Variants in TCF12 observed in about 807,000 individuals in gnomAD.
TCF12 encodes transcription factor 12.
In TCF12, 45 loss-of-function variants were observed where a neutral mutation model predicts 86.0. That is an observed-to-expected ratio of 0.52 (90% CI 0.41 to 0.67). The LOEUF (loss-of-function observed/expected upper bound fraction) is 0.67. Ranked by LOEUF, TCF12 falls within the 30% of genes least tolerant of loss-of-function variation. TCF12 has a pLI of 0.00. For synonymous variants in TCF12, 330 were observed against 299.6 expected, an observed-to-expected ratio of 1.10 and a Z score of -1.05; for missense variants, 881 against 859.9, an observed-to-expected ratio of 1.02 and a Z score of -0.31.
chr15:56,962,178 T>C (rs1026043848), intron 3 of TCF12, among the ~76,000 whole-genome samples: 4 of 150,932 alleles, frequency 2.7e-5, no homozygotes, highest in African/African-American at 9.7e-5. Flanking sequence ...TGAATTGTGG[T>C]CAAATAACTT....
chr15:57,017,269 A>T (rs922031388), intron 3 of TCF12, among the ~76,000 whole-genome samples: 5 of 152,236 alleles, frequency 3.3e-5, no homozygotes, highest in Admixed American at 3.3e-4. Flanking sequence ...TTTCAAAGGC[A>T]TATACCCTTC....
In TCF12 at chr15:57,075,835, T is replaced by TTTCTTTCTTTCTTTCTTTCTTTCTTTC. The variant is rs1555498796; in HGVS notation, c.222+12014_222+12015insCTTTCTTTCTTTCTTTCTTTCTTTCTT. Among the ~76,000 whole-genome samples, 177 of 50,004 alleles carry TTTCTTTCTTTCTTTCTTTCTTTCTTTC rather than the reference T, an allele frequency of 3.5e-3. 7 individuals are homozygous for TTTCTTTCTTTCTTTCTTTCTTTCTTTC. The highest frequency in any genetic ancestry group is 4.2e-3 in the African/African-American group (43 of 10,350). The allele number at this position is 50,004 out of a possible 152,430, so 32.8% of individuals were successfully genotyped here. ...CTCTCTCTCTCTCTCTCTCTCTCTCTTTTCTTTCTTTCTTTCTTTCTTTCT... is the reference window on the plus strand; with the variant it reads ...CTCTCTCTCTCTCTCTCTCTCTCTCTTTCTTTCTTTCTTTCTTTCTTTCTTTCTTTCTTTCTTTCTTTCTTTCTTTCT... On this transcript the variant is annotated intron_variant, in intron 4 of 20. Transcript: ENST00000333725.
rs142483057 is a variant in TCF12, at chr15:57,251,242, T to C, written c.1115-108T>C. 42 of 913,618 alleles carry C rather than the reference T, an allele frequency of 4.6e-5. No homozygotes were observed. The East Asian group carries it at 8.8e-4, about 19-fold the overall frequency. The allele number at this position is 913,618 out of a possible 1,614,324, so 56.6% of individuals were successfully genotyped here. ...TACTATGCTGAAGGCCAAACAAAAA[T>C]ATTCATGTAAATTTATTTAGTTATT... On this transcript the variant is annotated intron_variant, in intron 13 of 20. Transcript: ENST00000333725.
chr15:57,167,304 T>C (rs940236435), intron 6 of TCF12, among the ~76,000 whole-genome samples: 2 of 152,234 alleles, frequency 1.3e-5, no homozygotes, highest in Non-Finnish European at 2.9e-5. Flanking sequence ...CTCACGCCTG[T>C]AATCCCAATA....
intron 19 of TCF12, among the ~76,000 whole-genome samples, chr15:57,278,942 CTTTTT>C (rs67020277): frequency 5.9e-5 from 7 of 118,026 alleles, no homozygotes; most frequent in Non-Finnish European, 1.2e-4. Flanking sequence ...TCCTTCCTTC[CTTTTT>C]TTTTTTTCTC....
intron 3 of TCF12, among the ~76,000 whole-genome samples, chr15:57,037,530 T>C (rs1472684284): frequency 5.3e-5 from 8 of 152,186 alleles, no homozygotes; most frequent in African/African-American, 1.7e-4. Flanking sequence ...CTAGTGAGAA[T>C]AGAGGATAAG....
At chr15:56,932,745 G>T (rs1447075409) in intron 3 of TCF12, among the ~76,000 whole-genome samples, 1 of 151,864 alleles carries the variant, frequency 6.6e-6, no homozygotes, top group African/African-American at 2.4e-5. Flanking sequence ...TGTAATTTTT[G>T]GTAGAGACAG....
intron 4 of TCF12, among the ~76,000 whole-genome samples, chr15:57,064,795 C>CAAAAAAAAAAAAAA (rs1177544594): frequency 1.4e-3 from 108 of 78,006 alleles, no homozygotes; most frequent in African/African-American, 5.8e-3. Context: ...GACTCCATCT[C>CAAAAAAAAAAAAAA]AAAAAAAAAA....
intron 3 of TCF12, among the ~76,000 whole-genome samples, chr15:56,933,692 T>G (rs1372989041): frequency 2.0e-5 from 3 of 151,982 alleles, no homozygotes; most frequent in Admixed American, 6.6e-5. Context: ...ATGTGGAGGT[T>G]TGTGGTCTGT....
chr15:57,113,358 A>G (rs577490920), intron 5 of TCF12, among the ~76,000 whole-genome samples: 4 of 152,232 alleles, frequency 2.6e-5, no homozygotes, highest in South Asian at 4.2e-4. Context: ...CCTTAGTACC[A>G]TTTATCATAG....
At chr15:57,236,459 C>G (rs2059384359) in intron 12 of TCF12, among the ~76,000 whole-genome samples, 1 of 152,120 alleles carries the variant, frequency 6.6e-6, no homozygotes, top group Non-Finnish European at 1.5e-5. Flanking sequence ...TGGTGACTGA[C>G]TCTTTTGAAA....
At chr15:56,998,457 CAAAA>C (rs71113049) in intron 3 of TCF12, among the ~76,000 whole-genome samples, 3 of 110,666 alleles carry the variant, frequency 2.7e-5, no homozygotes, top group Admixed American at 9.5e-5. Flanking sequence ...AACTCTGTCT[CAAAA>C]AAAAAAAAAA....
At chr15:56,933,520 C>A (rs1000670231) in intron 3 of TCF12, among the ~76,000 whole-genome samples, 33 of 152,064 alleles carry the variant, frequency 2.2e-4, no homozygotes, top group Non-Finnish European at 2.8e-4. Flanking sequence ...CGAAGTCTTG[C>A]TTTAGTGTTG....
intron 5 of TCF12, among the ~76,000 whole-genome samples, chr15:57,101,660 T>C (rs901849603): frequency 1.3e-5 from 2 of 152,236 alleles, no homozygotes; most frequent in African/African-American, 4.8e-5. Flanking sequence ...TTTTTAAATC[T>C]TTATCTTGAA....
chr15:56,961,640 AC>A (rs1216324921), intron 3 of TCF12, among the ~76,000 whole-genome samples: 1 of 152,194 alleles, frequency 6.6e-6, no homozygotes, highest in Admixed American at 6.5e-5. Flanking sequence ...CATGTTTCAA[AC>A]TGCTGGTCAT....
chr15:56,931,047 C>G (rs1435800075), intron 3 of TCF12, among the ~76,000 whole-genome samples: 2 of 152,160 alleles, frequency 1.3e-5, no homozygotes, highest in Non-Finnish European at 2.9e-5. Context: ...CTGTCTCTCT[C>G]TCTCTCCTCC....
intron 12 of TCF12, among the ~76,000 whole-genome samples, chr15:57,236,019 A>G (rs1464163610): frequency 1.3e-5 from 2 of 152,204 alleles, no homozygotes; most frequent in African/African-American, 4.8e-5. Flanking sequence ...GAAATGTTTA[A>G]TCTAGTTAGT....
At chr15:57,041,369 G>A (rs1217096681) in intron 3 of TCF12, among the ~76,000 whole-genome samples, 1 of 151,946 alleles carries the variant, frequency 6.6e-6, no homozygotes, top group African/African-American at 2.4e-5. Flanking sequence ...TATTTTTTAT[G>A]TTGTCTTCAG....
Position 57,253,431 on chromosome 15 carries a change from G to T in TCF12, c.1430G>T (p.Gly477Val), listed in dbSNP as rs1489012689. ...PIGSLNSNYG[G>V]SSLVASSRSA... is the part of the protein sequence containing the mutation. ...GGAAGCCTCAATTCAAACTATGGAG[G>T]ATCAAGCCTTGTTGCAAGCAGTCGA... is the stretch of plus-strand genomic sequence containing the variant. Residue 477 changes from glycine (G) to valine (V), a missense_variant, in exon 16 of 21, where the codon GGA becomes GTA. By Grantham distance (109) the Gly-to-Val change is moderately radical (BLOSUM62 -3). This residue lies in a region of TCF12 where 766 missense variants were observed against 718.9 expected (regional missense o/e 1.07). Coordinates refer to ENST00000333725, the MANE Select transcript of TCF12 (RefSeq NM_207037.2). The T allele has an allele frequency of 1.2e-6, 2 of 1,613,900 alleles. No homozygotes were observed. The highest frequency in any genetic ancestry group is 2.7e-5 in the African/African-American group (2 of 74,892).
Sources: gnomAD v4.1 joint callset for allele counts (sites outside exome capture counted in the v4.1 genomes callset) on GRCh38, gnomAD v4.1.1 for gene constraint, gnomAD v4.1.1 regional missense constraint, MANE v1.5 for transcripts, NCBI Gene and HGNC (gene_info 2026-07-23, HGNC 2026-07-21) for gene names.